CNTN6: variants seen among roughly 807,000 people sequenced by gnomAD.
The protein encoded by CNTN6 is contactin-6.
A neutral mutation model predicts 122.8 loss-of-function variants in CNTN6; 137 were observed. The ratio of observed to expected loss-of-function variants is 1.12; its 90% CI spans 0.97 to 1.29. The LOEUF (loss-of-function observed/expected upper bound fraction) is 1.29, where lower values mean the gene tolerates loss of function less well. Ranked by LOEUF, CNTN6 falls within the 50% of genes most tolerant of loss-of-function variation. The pLI is 0.00. For synonymous variants in CNTN6, 570 were observed against 426.0 expected (o/e 1.34, Z -4.16); for missense variants, 1,634 against 1,223.4 (o/e 1.34, Z -5.01).
At chr3:1,334,241 T>C (rs922745935) in intron 11 of CNTN6, among the ~76,000 whole-genome samples, 1 of 152,104 alleles carries the variant, frequency 6.6e-6, no homozygotes, top group African/African-American at 2.4e-5. Context: ...ATAGCACTTA[T>C]ATTGAAGAGA....
intron 2 of CNTN6, among the ~76,000 whole-genome samples, chr3:1,171,265 C>T (rs966419804): frequency 1.3e-5 from 2 of 152,136 alleles, no homozygotes; most frequent in Non-Finnish European, 2.9e-5. Flanking sequence ...GACCATAGAT[C>T]AAACTCCAAA....
intron 7 of CNTN6, among the ~76,000 whole-genome samples, chr3:1,317,089 A>T (rs1014376593): frequency 3.3e-5 from 5 of 151,962 alleles, no homozygotes; most frequent in Admixed American, 6.6e-5. Flanking sequence ...AAATCTCAAC[A>T]TTTAATTAGG....
chr3:1,102,707 G>A lies in CNTN6; in HGVS notation c.-83+9587G>A, dbSNP rs890620763. ...GGCGCCACCGCCCTCCAGCCTGGGC[G>A]ACAGGGCGAGACTCCGTCTCAAAAA... On this transcript the variant is annotated intron_variant, in intron 1 of 22. Transcript: ENST00000446702. Among the ~76,000 whole-genome samples, 15 of 150,212 alleles carry A rather than the reference G, an allele frequency of 1.0e-4. 2 individuals carry two copies. Among genetic ancestry groups the A allele is most frequent in the African/African-American group, 2.7e-4 (11 of 41,184 alleles).
At position 1,369,271 on chromosome 3, in the gene CNTN6, T is replaced by C. The variant is rs138071940; in HGVS notation, c.1493-3028T>C. Among the ~76,000 whole-genome samples the C allele has an allele frequency of 4.7e-4, 72 of 152,282 alleles. 1 individual carries two copies. The East Asian group carries it at 0.012, about 24-fold the overall frequency. On this transcript the variant is annotated intron_variant, in intron 12 of 22. Transcript: ENST00000446702. Reference sequence around the variant, plus strand: ...ACAAGTCACTTCTAGTATATGGTGCTTATCACACATTACTGTATAGTAACT... The same window carrying C: ...ACAAGTCACTTCTAGTATATGGTGCCTATCACACATTACTGTATAGTAACT...
chr3:1,299,124 T>G (rs775597076), intron 7 of CNTN6, among the ~76,000 whole-genome samples: 4 of 152,194 alleles, frequency 2.6e-5, no homozygotes, highest in Non-Finnish European at 5.9e-5. Context: ...GACCGTATTT[T>G]ATTTTCATAG....
At chr3:1,250,114 TA>T (rs1439267366) in intron 4 of CNTN6, among the ~76,000 whole-genome samples, 17 of 152,184 alleles carry the variant, frequency 1.1e-4, no homozygotes, top group Admixed American at 6.5e-5. Context: ...ATTATTGCTA[TA>T]AATATTAAAA....
intron 1 of CNTN6, among the ~76,000 whole-genome samples, chr3:1,116,668 A>C (rs1031381242): frequency 2.7e-5 from 4 of 146,468 alleles, no homozygotes; most frequent in Admixed American, 1.4e-4. Context: ...TTAAAATTGG[A>C]TGCCAATGGA....
At chr3:1,140,563 T>C (rs2092585745) in intron 1 of CNTN6, among the ~76,000 whole-genome samples, 1 of 152,176 alleles carries the variant, frequency 6.6e-6, no homozygotes, top group African/African-American at 2.4e-5. Flanking sequence ...TGAAATTCAC[T>C]GAAAGTATGA....
intron 2 of CNTN6, among the ~76,000 whole-genome samples, chr3:1,152,728 T>C (rs1027242474): frequency 6.6e-6 from 1 of 151,370 alleles, no homozygotes; most frequent in Non-Finnish European, 1.5e-5. Context: ...TTGATAATTA[T>C]TAAAAATGTT....
At chr3:1,238,961 A>AC (rs1226348915) in intron 4 of CNTN6, among the ~76,000 whole-genome samples, 1 of 152,196 alleles carries the variant, frequency 6.6e-6, no homozygotes, top group Non-Finnish European at 1.5e-5. Flanking sequence ...GGGAGATATT[A>AC]CAACTGATAT....
At chr3:1,206,423 AC>A (rs2093958836) in intron 2 of CNTN6, among the ~76,000 whole-genome samples, 1 of 152,126 alleles carries the variant, frequency 6.6e-6, no homozygotes, top group Non-Finnish European at 1.5e-5. Flanking sequence ...TCTAAGGCCA[AC>A]CACTGCACTG....
chr3:1,270,865 GC>G (rs762139862), intron 4 of CNTN6, among the ~76,000 whole-genome samples: 35 of 151,992 alleles, frequency 2.3e-4, no homozygotes, highest in Non-Finnish European at 4.3e-4. Flanking sequence ...GCACTCTCGA[GC>G]CACAATATTT....
chr3:1,362,125 A>C (rs979266081), intron 12 of CNTN6, among the ~76,000 whole-genome samples: 5 of 152,126 alleles, frequency 3.3e-5, no homozygotes, highest in African/African-American at 1.2e-4. Context: ...AGGACTTAAA[A>C]TGACTAAGAT....
At position 1,385,681 on chromosome 3, in the gene CNTN6, C is replaced by T. The variant is rs1190098105; in HGVS notation, c.2588C>T (p.Thr863Ile). 1.2e-6 allele frequency: 2 copies of T among 1,613,876 alleles called. No individual in the cohort carries two copies. Among genetic ancestry groups the T allele is most frequent in the Non-Finnish European group, 1.7e-6 (2 of 1,179,916 alleles). The change falls in exon 20 of 23, where the codon ACC (threonine) becomes ATC (isoleucine). Residue 863 changes from threonine to isoleucine, a missense_variant. By Grantham distance (89) the Thr-to-Ile change is moderately conservative. Transcript: ENST00000446702. ...GKIRVSGNVT[T>I]KNITGLKANT... ...ATTAGAGTCAGTGGAAATGTCACAA[C>T]CAAAAACATCACGGGGCTGAAAGCT... is the stretch of plus-strand genomic sequence containing the variant.
intron 1 of CNTN6, among the ~76,000 whole-genome samples, chr3:1,111,913 CT>C (rs2125020382): frequency 6.6e-6 from 1 of 152,110 alleles, no homozygotes; most frequent in African/African-American, 2.4e-5. Context: ...TATTTTTCCT[CT>C]AATATATACA....
At chr3:1,197,105 T>C (rs969591537) in intron 2 of CNTN6, among the ~76,000 whole-genome samples, 1 of 152,236 alleles carries the variant, frequency 6.6e-6, no homozygotes, top group Non-Finnish European at 1.5e-5. Context: ...CTCCTCTTGA[T>C]TGCCCACGTT....
intron 20 of CNTN6, among the ~76,000 whole-genome samples, chr3:1,388,455 G>C (rs1051005094): frequency 6.6e-6 from 1 of 151,678 alleles, no homozygotes; most frequent in Admixed American, 6.6e-5. Context: ...AAACCACAAA[G>C]ATGGGGAAAA....
rs373177466 is a variant in CNTN6 at position 1,102,488 on chromosome 3, T to C, written c.-83+9368T>C. Among the ~76,000 whole-genome samples the C allele has an allele frequency of 6.8e-3, 1,037 of 152,094 alleles. 15 individuals carry two copies. Among genetic ancestry groups the C allele is most frequent in the African/African-American group, 0.024 (993 of 41,492 alleles). ...GCTCCCGCCTGTAATCCCAGCACTT[T>C]GGGAGGCCGAGGTGGGCGGATCACC... On this transcript the variant is annotated intron_variant, in intron 1 of 22. Coordinates refer to ENST00000446702, the MANE Select transcript of CNTN6 (RefSeq NM_001289080.2).
At chr3:1,281,997 CACA>C (rs1413643677) in intron 5 of CNTN6, among the ~76,000 whole-genome samples, 5 of 151,858 alleles carry the variant, frequency 3.3e-5, no homozygotes, top group African/African-American at 9.7e-5. Flanking sequence ...CACACACACA[CACA>C]CACACACACA....
Sources: gnomAD v4.1 joint callset for allele counts (sites outside exome capture counted in the v4.1 genomes callset) on GRCh38, gnomAD v4.1.1 for gene constraint, MANE v1.5 for transcripts, NCBI Gene and HGNC (gene_info 2026-07-23, HGNC 2026-07-21) for gene names.